The following MARCHF3 variants were observed in gnomAD, a reference collection of about 807,000 sequenced individuals.
MARCHF3 encodes the protein membrane associated ring-CH-type finger 3, also known as E3 ubiquitin-protein ligase MARCHF3.
A neutral mutation model predicts 24.2 loss-of-function variants in MARCHF3; 13 were observed. The ratio of observed to expected loss-of-function variants is 0.54; its 90% confidence interval spans 0.35 to 0.85. The LOEUF is 0.85. Ranked by LOEUF, MARCHF3 falls within the 40% of genes least tolerant of loss-of-function variation. MARCHF3 has a pLI of 0.01. For synonymous variants in MARCHF3, 144 were observed against 137.3 expected, an observed-to-expected ratio of 1.05 and a Z score of -0.34; for missense variants, 276 against 325.0, an observed-to-expected ratio of 0.85 and a Z score of 1.16.
chr5:126,882,276 A>G (rs1753369572), intron 3 of MARCHF3, among the ~76,000 whole-genome samples: 1 of 152,188 alleles, frequency 6.6e-6, no homozygotes, highest in African/African-American at 2.4e-5. Context: ...GGTGGGACAC[A>G]TTTAAGTCCT....
At chr5:126,957,395 T>C (rs1256233306) in intron 1 of MARCHF3, among the ~76,000 whole-genome samples, 1 of 152,210 alleles carries the variant, frequency 6.6e-6, no homozygotes, top group Non-Finnish European at 1.5e-5. Context: ...AATCATTTTT[T>C]CTGCAGTCTC....
In MARCHF3 at chr5:126,936,148, C is replaced by T. The variant is rs542551046; in HGVS notation, c.-56-17921G>A. On this transcript the variant is annotated intron_variant, in intron 1 of 4. Coordinates refer to ENST00000308660, the MANE Select transcript of MARCHF3 (RefSeq NM_178450.5). The stretch of plus-strand genomic sequence containing the variant: ...AGTGGGTGATGAGCCTTCACACCTC[C>T]GGAAGAACAGTTTGGCAGTATGTAT... Among the ~76,000 whole-genome samples, 30 of 152,148 alleles carry T rather than the reference C, an allele frequency of 2.0e-4. No homozygotes were observed. In the Middle Eastern group the frequency reaches 0.014, roughly 69 times the overall value.
At chr5:126,925,395 ATCT>A (rs1174114274) in intron 1 of MARCHF3, among the ~76,000 whole-genome samples, 1 of 152,108 alleles carries the variant, frequency 6.6e-6, no homozygotes, top group Non-Finnish European at 1.5e-5. Flanking sequence ...TATCAGACAG[ATCT>A]TTTTTTTTTA....
chr5:126,936,872 G>A (rs1223701409), intron 1 of MARCHF3, among the ~76,000 whole-genome samples: 1 of 152,116 alleles, frequency 6.6e-6, no homozygotes, highest in Non-Finnish European at 1.5e-5. Context: ...CAGATCTCCA[G>A]GTAAAGAAAT....
intron 1 of MARCHF3, among the ~76,000 whole-genome samples, chr5:127,003,928 G>C (rs1239423742): frequency 6.6e-6 from 1 of 152,160 alleles, no homozygotes; most frequent in Non-Finnish European, 1.5e-5. Context: ...AAGGGTGCAG[G>C]GTTCTGGGAG....
chr5:126,941,705 G>T (rs1291208777), intron 1 of MARCHF3, among the ~76,000 whole-genome samples: 2 of 152,190 alleles, frequency 1.3e-5, no homozygotes, highest in Non-Finnish European at 2.9e-5. Context: ...TTGGTTCACT[G>T]GTGAGAGCAC....
rs746079671 is a variant in MARCHF3, at chr5:126,918,196, T to G, written c.-25A>C. 5.6e-6 allele frequency: 9 copies of G among 1,600,908 alleles called. No homozygotes were observed. The highest frequency in any genetic ancestry group is 2.7e-5 in the African/African-American group (2 of 74,658). On this transcript the variant is annotated 5_prime_UTR_variant, in exon 2 of 5. It removes the in-frame stop codon of an upstream open reading frame in the 5' UTR. Coordinates refer to ENST00000308660, the MANE Select transcript of MARCHF3 (RefSeq NM_178450.5). ...TGGTAACAGACAGCAATTACTCTGC[T>G]AATGGCTTCCACATTCATACAGGAT...
intron 1 of MARCHF3, among the ~76,000 whole-genome samples, chr5:126,969,844 CT>C (rs1372330543): frequency 1.3e-5 from 2 of 152,164 alleles, no homozygotes; most frequent in African/African-American, 4.8e-5. Context: ...GCTGCTGGCC[CT>C]AAGACCACAC....
At chr5:126,922,517 TTTATTTA>T (rs1490995446) in intron 1 of MARCHF3, among the ~76,000 whole-genome samples, 5 of 56,584 alleles carry the variant, frequency 8.8e-5, no homozygotes, top group African/African-American at 2.8e-4. Flanking sequence ...CTGTCTTTTA[TTTATTTA>T]TTTATTTATT....
intron 1 of MARCHF3, among the ~76,000 whole-genome samples, chr5:127,028,453 G>A (rs967779304): frequency 2.0e-5 from 3 of 151,984 alleles, no homozygotes; most frequent in Non-Finnish European, 4.4e-5. Flanking sequence ...GACTGACTAT[G>A]AATATATGTC....
chr5:126,917,864 G>A, intron 2 of MARCHF3, 120 bp downstream of exon 2: 4 of 910,076 alleles, frequency 4.4e-6, no homozygotes, highest in South Asian at 2.4e-5. Flanking sequence ...TTTTTTTCCA[G>A]CACCTCCTCT....
At chr5:127,000,825 C>G (rs545323759) in intron 1 of MARCHF3, among the ~76,000 whole-genome samples, 2 of 152,042 alleles carry the variant, frequency 1.3e-5, no homozygotes, top group African/African-American at 4.8e-5. Flanking sequence ...CGCCACCACG[C>G]CCGGCTAATT....
chr5:126,923,390 G>C (rs981652227), intron 1 of MARCHF3, among the ~76,000 whole-genome samples: 1 of 152,182 alleles, frequency 6.6e-6, no homozygotes, highest in African/African-American at 2.4e-5. Context: ...CAAGAAGTGG[G>C]AGAAATTTGT....
intron 1 of MARCHF3, among the ~76,000 whole-genome samples, chr5:126,955,779 T>TA (rs1331148433): frequency 2.0e-5 from 3 of 152,242 alleles, no homozygotes; most frequent in Admixed American, 1.3e-4. Context: ...GCTTTACTCA[T>TA]AGAGGCTTTT....
chr5:126,972,420 G>T (rs1751050656), intron 1 of MARCHF3, among the ~76,000 whole-genome samples: 1 of 152,130 alleles, frequency 6.6e-6, no homozygotes, highest in Non-Finnish European at 1.5e-5. Flanking sequence ...GGGCAAGGTA[G>T]TCTGATGAAA....
At chr5:127,005,934 G>C (rs1334107765) in intron 1 of MARCHF3, among the ~76,000 whole-genome samples, 1 of 152,058 alleles carries the variant, frequency 6.6e-6, no homozygotes, top group African/African-American at 2.4e-5. Context: ...CAGGGTGGTG[G>C]CTCATGCCTG....
chr5:126,957,806 T>A (rs1416230463), intron 1 of MARCHF3, among the ~76,000 whole-genome samples: 2 of 152,168 alleles, frequency 1.3e-5, no homozygotes, highest in Admixed American at 6.5e-5. Context: ...CTGATATTTT[T>A]AAAATCATCA....
At chr5:126,895,788 A>C (rs1245283562) in intron 3 of MARCHF3, among the ~76,000 whole-genome samples, 2 of 152,154 alleles carry the variant, frequency 1.3e-5, no homozygotes, top group Non-Finnish European at 1.5e-5. Flanking sequence ...CTGCCCCCAG[A>C]GGTGGAGCCT....
chr5:126,912,007 T>C (rs1486633575), intron 3 of MARCHF3, among the ~76,000 whole-genome samples: 1 of 152,206 alleles, frequency 6.6e-6, no homozygotes, highest in African/African-American at 2.4e-5. Context: ...CCCACACAGA[T>C]GGCCAGTGGC....
Sources: gnomAD v4.1 joint callset for allele counts (sites outside exome capture counted in the v4.1 genomes callset) on GRCh38, gnomAD v4.1.1 for gene constraint, MANE v1.5 for transcripts, NCBI Gene and HGNC (gene_info 2026-07-23, HGNC 2026-07-21) for gene names.